Variants in PDE6B observed in about 807,000 individuals in gnomAD.
The protein encoded by PDE6B is rod cGMP-specific 3',5'-cyclic phosphodiesterase subunit beta.
A neutral mutation model predicts 109.0 loss-of-function variants in PDE6B; 106 were observed. The observed-to-expected ratio is 0.97, with a 90% CI of 0.83 to 1.14. The LOEUF is 1.14. Ranked by LOEUF, PDE6B falls within the 50% of genes most tolerant of loss-of-function variation. The pLI, the probability that PDE6B is intolerant of heterozygous loss-of-function variation, is 0.00. For synonymous variants in PDE6B, 490 were observed against 471.3 expected, an observed-to-expected ratio of 1.04 and a Z score of -0.51; for missense variants, 1,193 against 1,155.6, an observed-to-expected ratio of 1.03 and a Z score of -0.47.
Position 662,683 on chromosome 4 carries a change from A to T in PDE6B, c.1832+65A>T, listed in dbSNP as rs928884714. 2.9e-6 allele frequency: 3 copies of T among 1,030,938 alleles called. No individual in the cohort carries two copies. The highest frequency in any genetic ancestry group is 1.6e-5 in the African/African-American group (1 of 63,764). The allele number at this position is 1,030,938 out of a possible 1,614,324, so 63.9% of individuals were successfully genotyped here. ...CAACTCCACGCCCTTGGCGTGAATT[A>T]GGCTTCGCATAGCAGGCTATGTAGA... On this transcript the variant is annotated intron_variant, in intron 14 of 21. Transcript: ENST00000496514. The surrounding 1 kb of genome is among the most constrained non-coding windows in gnomAD (Gnocchi z 4.3).
At chr4:627,152 T>G (rs1375277589) in intron 1 of PDE6B, among the ~76,000 whole-genome samples, 3 of 148,180 alleles carry the variant, frequency 2.0e-5, no homozygotes, top group Admixed American at 1.3e-4. Flanking sequence ...GTTTGTGGGT[T>G]TTTTTTTTTT....
chr4:663,045 C>A lies in PDE6B; in HGVS notation c.1833-55C>A. 3.1e-6 allele frequency: 3 copies of A among 982,132 alleles called. No homozygotes were observed. The highest frequency in any genetic ancestry group is 5.0e-6 in the Non-Finnish European group (3 of 602,834). The allele number at this position is 982,132 out of a possible 1,614,324, so 60.8% of individuals were successfully genotyped here. A position where few individuals can be genotyped will look rare whatever the true frequency, so the allele number is the denominator to read the frequency against. On this transcript the variant is annotated intron_variant, in intron 14 of 21. Transcript: ENST00000496514. This position sits in a 1 kb window ranked among gnomAD's most constrained non-coding sequence, Gnocchi z 4.0. ...GCCCATCTGGGGGGGCTGCAGAGCGCAGGGTGGGCCAAGGGCAGGTCCCAC... is the reference window on the plus strand; with the variant it reads ...GCCCATCTGGGGGGGCTGCAGAGCGAAGGGTGGGCCAAGGGCAGGTCCCAC...
rs749366624 is a variant in PDE6B, at chr4:657,371, C to T, written c.1278C>T (p.Gly426=). The T allele has an allele frequency of 7.4e-6, 12 of 1,613,018 alleles. No homozygotes were observed. The highest frequency in any genetic ancestry group is 5.1e-6 in the Non-Finnish European group (6 of 1,179,790). The change falls in exon 10 of 22, where the codon GGC becomes GGT. Residue 426 remains glycine (G), a synonymous_variant. Coordinates refer to ENST00000496514, the MANE Select transcript of PDE6B (RefSeq NM_000283.4). ...VLMESLTQFL[G]WSVMNTDTYD... is the part of the protein sequence containing the mutation. ...TCCAGTCCCTGACACAGTTCCTGGG[C>T]TGGTCAGTGATGAACACCGACACCT... is the stretch of plus-strand genomic sequence containing the variant.
At chr4:651,362 A>AG (rs1196936899) in intron 3 of PDE6B, among the ~76,000 whole-genome samples, 48 of 151,932 alleles carry the variant, frequency 3.2e-4, no homozygotes, top group African/African-American at 1.1e-3. Context: ...GTGGGTCCTC[A>AG]GGGGGGGCCT....
rs1299193084 is a variant in PDE6B, at chr4:653,885, G to T, written c.745G>T (p.Glu249Ter). Residue 249 changes from glutamate (E) to a stop codon, truncating the protein, a stop_gained, in exon 4 of 22, where the codon GAG becomes TAG. Transcript: ENST00000496514. LOFTEE classifies it high-confidence loss of function. Reference sequence around the variant, plus strand: ...GTGGTCGGCCAACAAGGTGTTTGAGGAGCTGACGGACATCGAGAGGCAGTT... The same window carrying T: ...GTGGTCGGCCAACAAGGTGTTTGAGTAGCTGACGGACATCGAGAGGCAGTT... Reference protein sequence around the residue: ...LLWSANKVFEELTDIERQFHK... With the variant: ...LLWSANKVFE The T allele has an allele frequency of 6.2e-7, 1 of 1,613,860 alleles. No individual in the cohort carries two copies. The highest frequency in any genetic ancestry group is 8.5e-7 in the Non-Finnish European group (1 of 1,180,018).
Position 625,706 on chromosome 4 carries a change from T to G in PDE6B, c.80T>G (p.Leu27Arg). Residue 27 changes from leucine to arginine, a missense_variant, in exon 1 of 22, where the codon CTG becomes CGG. Transcript: ENST00000496514. This position sits in a 1 kb window ranked among gnomAD's most constrained non-coding sequence, Gnocchi z 5.0. ...DFARQYFGKK[L>R]SPENVAAACE... is the part of the protein sequence containing the mutation. Reference sequence around the variant, plus strand: ...GCCCGCCAGTACTTTGGGAAGAAACTGAGCCCTGAGAATGTGGCCGCGGCC... The same window carrying G: ...GCCCGCCAGTACTTTGGGAAGAAACGGAGCCCTGAGAATGTGGCCGCGGCC... 1 of 1,613,898 alleles carries G rather than the reference T, an allele frequency of 6.2e-7. No homozygotes were observed. Among genetic ancestry groups the G allele is most frequent in the South Asian group, 1.1e-5 (1 of 91,086 alleles).
chr4:644,072 C>T (rs946825536), intron 3 of PDE6B, among the ~76,000 whole-genome samples: 8 of 151,554 alleles, frequency 5.3e-5, no homozygotes, highest in Admixed American at 5.3e-4. Context: ...ACACACACCA[C>T]CACACCCAAC....
rs1400430773 is a variant in PDE6B at position 656,855 on chromosome 4, C to G, written c.1108-19C>G. The G allele has an allele frequency of 1.2e-6, 2 of 1,612,240 alleles. No homozygotes were observed. The highest frequency in any genetic ancestry group is 2.7e-5 in the African/African-American group (2 of 74,942). On this transcript the variant is annotated intron_variant, in intron 8 of 21. Coordinates refer to ENST00000496514, the MANE Select transcript of PDE6B (RefSeq NM_000283.4). ...GCCAGCCTCAGGGCGGAGCTCAGCT[C>G]TGGACACCGCTCCCGCAGGAAGGGG...
At chr4:628,977 G>C (rs1432039197) in intron 1 of PDE6B, among the ~76,000 whole-genome samples, 1 of 152,212 alleles carries the variant, frequency 6.6e-6, no homozygotes, top group African/African-American at 2.4e-5. Context: ...CTGGAGCCTG[G>C]CCCAGGCCTG....
At chr4:654,342 C>T (rs1005530346) in intron 5 of PDE6B, 188 bp downstream of exon 5, 4 of 695,184 alleles carry the variant, frequency 5.8e-6, no homozygotes, top group Middle Eastern at 2.9e-4. Context: ...ATGGGGTGTC[C>T]AGGGCTGGTC....
chr4:639,091 G>A (rs1734825496), intron 3 of PDE6B, among the ~76,000 whole-genome samples: 1 of 152,086 alleles, frequency 6.6e-6, no homozygotes, highest in Non-Finnish European at 1.5e-5. Flanking sequence ...TTTACTACAG[G>A]TCCTGGGCAG....
rs28710261 is a variant in PDE6B at position 626,830 on chromosome 4, A to C, written c.468+736A>C. 0.06 allele frequency among the ~76,000 whole-genome samples: 9,179 copies of C among 152,110 alleles called. 309 individuals are homozygous for C. Among genetic ancestry groups the C allele is most frequent in the African/African-American group, 0.11 (4,448 of 41,498 alleles). The stretch of plus-strand genomic sequence containing the variant: ...GGTCCTGGCGGGACTGGAGAACAAG[A>C]GGGGTGTGAGGTGCCTGCCAGACTG... On this transcript the variant is annotated intron_variant, in intron 1 of 21. Coordinates refer to ENST00000496514, the MANE Select transcript of PDE6B (RefSeq NM_000283.4). This position sits in a 1 kb window ranked among gnomAD's most constrained non-coding sequence, Gnocchi z 4.6.
chr4:658,823 G>A, intron 10 of PDE6B, 129 bp from the exon 11 acceptor site: 1 of 724,288 alleles, frequency 1.4e-6, no homozygotes, highest in South Asian at 1.5e-5. Context: ...AGGCCGCCAG[G>A]GCCTTCCCAG....
In PDE6B at chr4:625,876, T is replaced by C. The variant is rs1487940556; in HGVS notation, c.250T>C (p.Cys84Arg). ...RVVFKVLRRL[C>R]TLLQADRCSL... ...GGTCTTCAAGGTCCTGCGGCGCCTC[T>C]GCACCCTCCTGCAGGCCGACCGCTG... Residue 84 changes from cysteine to arginine, a missense_variant, in exon 1 of 22, where the codon TGC becomes CGC. By Grantham distance (180) the Cys-to-Arg change is radical. Coordinates refer to ENST00000496514, the MANE Select transcript of PDE6B (RefSeq NM_000283.4). This position sits in a 1 kb window ranked among gnomAD's most constrained non-coding sequence, Gnocchi z 5.0. 2 of 1,607,378 alleles carry C rather than the reference T, an allele frequency of 1.2e-6. No homozygotes were observed. The highest frequency in any genetic ancestry group is 1.7e-5 in the Admixed American group (1 of 59,114).
Position 665,935 on chromosome 4 carries a change from G to A in PDE6B, c.2269-596G>A, listed in dbSNP as rs1290016226. ...CCTGCAGTGGAGAGGGCTTAGGCCA[G>A]GTGCAGCCTCGGCAGGAAAGGGGGC... On this transcript the variant is annotated intron_variant, in intron 19 of 21. Transcript: ENST00000496514. The surrounding 1 kb of genome is among the most constrained non-coding windows in gnomAD (Gnocchi z 4.0). Among the ~76,000 whole-genome samples the A allele has an allele frequency of 6.6e-6, 1 of 152,218 alleles. No individual in the cohort carries two copies. Among genetic ancestry groups the A allele is most frequent in the Non-Finnish European group, 1.5e-5 (1 of 68,026 alleles).
intron 12 of PDE6B, among the ~76,000 whole-genome samples, chr4:660,965 G>GTAGTGGGA (rs1736997782): frequency 6.7e-6 from 1 of 149,902 alleles, no homozygotes; most frequent in African/African-American, 2.4e-5. Flanking sequence ...GATGCCAATG[G>GTAGTGGGA]TAGTTGGATA....
At chr4:638,071 C>G (rs35694609) in intron 3 of PDE6B, among the ~76,000 whole-genome samples, 4,423 of 152,268 alleles carry the variant, frequency 0.029, 65 homozygotes, top group Middle Eastern at 0.041. Flanking sequence ...TTCCTTCCTG[C>G]CAGTGACGAG....
intron 11 of PDE6B, among the ~76,000 whole-genome samples, chr4:659,762 T>TTGTGTGTGCA (rs1230970355): frequency 1.4e-5 from 2 of 144,456 alleles, no homozygotes; most frequent in African/African-American, 5.2e-5. Flanking sequence ...GGGGTGTGTA[T>TTGTGTGTGCA]TGTGTGTGCA....
chr4:631,430 C>T (rs1008316968), intron 1 of PDE6B, among the ~76,000 whole-genome samples: 2 of 151,120 alleles, frequency 1.3e-5, no homozygotes, highest in African/African-American at 4.9e-5. Flanking sequence ...CTAAGAGTCA[C>T]ATTGTGTGGA....
Sources: allele counts gnomAD v4.1 joint callset (sites outside exome capture counted in the v4.1 genomes callset), GRCh38; gene constraint gnomAD v4.1.1; non-coding constraint Gnocchi (gnomAD v3.1); transcripts MANE v1.5; gene names NCBI Gene and HGNC (gene_info 2026-07-23, HGNC 2026-07-21).